EBF1: variants seen among roughly 807,000 people sequenced by gnomAD.
EBF1 encodes the protein transcription factor COE1.
EBF1 carries 10 observed loss-of-function variants against 68.4 expected under a neutral mutation model. That is an observed-to-expected ratio of 0.15 (90% confidence interval 0.09 to 0.25). EBF1 has a LOEUF of 0.25. Ranked by LOEUF, EBF1 falls within the 10% of genes least tolerant of loss-of-function variation. The pLI is 1.00. For synonymous variants in EBF1, 298 were observed against 299.8 expected (o/e 0.99, Z 0.06); for missense variants, 509 against 794.4 (o/e 0.64, Z 4.32).
intron 6 of EBF1, among the ~76,000 whole-genome samples, chr5:158,969,827 C>G (rs1020683909): frequency 1.8e-4 from 14 of 78,624 alleles, no homozygotes; most frequent in Non-Finnish European, 3.3e-4. Context: ...GAAAGAAAGA[C>G]AGAAAAGAAA....
intron 6 of EBF1, among the ~76,000 whole-genome samples, chr5:158,865,504 C>T (rs941985057): frequency 2.0e-5 from 3 of 152,114 alleles, no homozygotes; most frequent in Non-Finnish European, 4.4e-5. Flanking sequence ...ATAGTAAATG[C>T]TCAGTAAGGT....
intron 6 of EBF1, among the ~76,000 whole-genome samples, chr5:158,900,739 C>T (rs1803134459): frequency 6.6e-6 from 1 of 152,184 alleles, no homozygotes; most frequent in African/African-American, 2.4e-5. Context: ...AGGCGTTACA[C>T]TAGGTACTTT....
chr5:158,907,010 C>T (rs772208337), intron 6 of EBF1, among the ~76,000 whole-genome samples: 23 of 152,192 alleles, frequency 1.5e-4, no homozygotes, highest in Non-Finnish European at 2.6e-4. Flanking sequence ...TTGATGAGCA[C>T]CTATGTGCCC....
intron 2 of EBF1, 169 bp from the exon 3 acceptor site, chr5:159,096,575 C>G (rs1330453011): frequency 2.9e-6 from 2 of 696,400 alleles, no homozygotes; most frequent in Non-Finnish European, 4.9e-6. Context: ...CCTCCGCCCC[C>G]TGTTCCTGAC....
intron 4 of EBF1, 101 bp downstream of exon 4, chr5:159,095,519 G>C (rs1782437512): frequency 7.1e-7 from 1 of 1,399,556 alleles, no homozygotes; most frequent in Non-Finnish European, 9.9e-7. Context: ...CTGGCTTTTA[G>C]AGTTAGAGTC....
chr5:158,858,020 T>C (rs1244499194), intron 6 of EBF1, among the ~76,000 whole-genome samples: 3 of 152,158 alleles, frequency 2.0e-5, no homozygotes, highest in African/African-American at 7.2e-5. Context: ...TTTCTCCCTC[T>C]CCTCCATTTA....
chr5:158,826,036 T>G (rs976350908), intron 7 of EBF1, among the ~76,000 whole-genome samples: 4 of 151,746 alleles, frequency 2.6e-5, no homozygotes, highest in African/African-American at 7.3e-5. Context: ...ATTAATAAGG[T>G]GCTGACACAT....
At chr5:158,940,253 T>G (rs990532845) in intron 6 of EBF1, among the ~76,000 whole-genome samples, 15 of 152,322 alleles carry the variant, frequency 9.8e-5, no homozygotes, top group Non-Finnish European at 1.8e-4. Context: ...GGAGATTGTG[T>G]GCAGGACGGT....
At chr5:158,962,596 C>T (rs1283601199) in intron 6 of EBF1, among the ~76,000 whole-genome samples, 2 of 152,154 alleles carry the variant, frequency 1.3e-5, no homozygotes, top group Non-Finnish European at 2.9e-5. Context: ...ATGTTCTATT[C>T]ACTTTCCTCA....
chr5:159,016,347 A>G (rs183426914), intron 6 of EBF1, among the ~76,000 whole-genome samples: 5 of 152,250 alleles, frequency 3.3e-5, no homozygotes, highest in Admixed American at 3.3e-4. Context: ...TTTTTCAGCT[A>G]TGGCCCCTCA....
intron 6 of EBF1, among the ~76,000 whole-genome samples, chr5:159,013,778 C>T (rs17056404): frequency 0.023 from 3,536 of 152,280 alleles, 51 homozygotes; most frequent in East Asian, 0.052. Context: ...AGGCATAACA[C>T]TCTCTGTCCC....
intron 6 of EBF1, among the ~76,000 whole-genome samples, chr5:159,042,586 CTGTGTGTGTG>C (rs112231991): frequency 6.7e-6 from 1 of 148,528 alleles, no homozygotes; most frequent in Admixed American, 6.7e-5. Flanking sequence ...AATTCTTTGC[CTGTGTGTGTG>C]TGTGTGTGTG....
intron 4 of EBF1, among the ~76,000 whole-genome samples, chr5:159,089,552 C>T (rs542969050): frequency 4.2e-4 from 64 of 152,142 alleles, no homozygotes; most frequent in African/African-American, 1.5e-3. Flanking sequence ...AATAGGATGC[C>T]AAAGGAAATA....
intron 6 of EBF1, among the ~76,000 whole-genome samples, chr5:158,998,436 G>A (rs1761889729): frequency 2.0e-5 from 3 of 152,136 alleles, no homozygotes; most frequent in South Asian, 2.1e-4. Context: ...CTTCCACATC[G>A]AGGATGAGAG....
At chr5:158,739,031 C>T (rs1231745503) in intron 10 of EBF1, among the ~76,000 whole-genome samples, 4 of 152,228 alleles carry the variant, frequency 2.6e-5, no homozygotes, top group South Asian at 4.2e-4. Flanking sequence ...TTTAAATTTG[C>T]CCCCAAATGC....
chr5:158,700,004 G>A (rs1440244961), intron 15 of EBF1, among the ~76,000 whole-genome samples: 1 of 152,226 alleles, frequency 6.6e-6, no homozygotes, highest in East Asian at 1.9e-4. Context: ...CTCAGCTTCT[G>A]TAGCTAGAAT....
intron 10 of EBF1, among the ~76,000 whole-genome samples, chr5:158,737,424 C>T (rs1765449223): frequency 6.6e-6 from 1 of 151,646 alleles, no homozygotes; most frequent in South Asian, 2.1e-4. Flanking sequence ...GCTGGGACTA[C>T]AGGCGCCCAC....
chr5:158,900,103 G>A (rs1196049262), intron 6 of EBF1, among the ~76,000 whole-genome samples: 2 of 152,150 alleles, frequency 1.3e-5, no homozygotes, highest in Non-Finnish European at 1.5e-5. Context: ...CTGTGTGTGA[G>A]CTTCCTCCTA....
At chr5:158,974,561 A>C (rs1756333827) in intron 6 of EBF1, among the ~76,000 whole-genome samples, 1 of 152,210 alleles carries the variant, frequency 6.6e-6, no homozygotes, top group African/African-American at 2.4e-5. Flanking sequence ...ATACACACAC[A>C]CATTATCTCC....
Sources: gnomAD v4.1 joint callset for allele counts (sites outside exome capture counted in the v4.1 genomes callset) on GRCh38, gnomAD v4.1.1 for gene constraint, MANE v1.5 for transcripts, NCBI Gene and HGNC (gene_info 2026-07-23, HGNC 2026-07-21) for gene names.